CATSPERB: variants seen among roughly 807,000 people sequenced by gnomAD.
CATSPERB encodes cation channel sperm-associated auxiliary subunit beta.
CATSPERB carries 93 observed loss-of-function variants against 128.3 expected under a neutral mutation model. The observed-to-expected ratio is 0.72, with a 90% CI of 0.61 to 0.86. The LOEUF (loss-of-function observed/expected upper bound fraction) is 0.86, where lower values mean the gene tolerates loss of function less well. CATSPERB is among the 40% of genes least tolerant of loss of function. The pLI, the probability that CATSPERB is intolerant of heterozygous loss-of-function variation, is 0.00. For missense variants in CATSPERB, 1,153 were observed against 1,329.5 expected, an observed-to-expected ratio of 0.87 and a Z score of 2.06; for synonymous variants, 381 against 448.8, an observed-to-expected ratio of 0.85 and a Z score of 1.91.
intron 14 of CATSPERB, among the ~76,000 whole-genome samples, chr14:91,661,144 C>T (rs1241825355): frequency 1.3e-5 from 2 of 152,148 alleles, no homozygotes; most frequent in African/African-American, 2.4e-5. Context: ...GCCCTGCAAA[C>T]ATTACTGGTG....
At chr14:91,663,851 G>A (rs2756163) in intron 14 of CATSPERB, among the ~76,000 whole-genome samples, 117,809 of 151,894 alleles carry the variant, frequency 0.78, 45,901 homozygotes, top group East Asian at 0.92. Flanking sequence ...GTAGTGTTAC[G>A]TATATTTACA....
At chr14:91,597,050 C>G (rs1484449237) in intron 22 of CATSPERB, among the ~76,000 whole-genome samples, 1 of 147,994 alleles carries the variant, frequency 6.8e-6, no homozygotes, top group African/African-American at 2.5e-5. Context: ...CCACGCCCAG[C>G]TAATTTTTTT....
chr14:91,707,338 A>G (rs374242193), intron 6 of CATSPERB, among the ~76,000 whole-genome samples: 1 of 152,210 alleles, frequency 6.6e-6, no homozygotes, highest in South Asian at 2.1e-4. Flanking sequence ...TCTTTTAAAA[A>G]TTGATATAAC....
rs1448364570 is a variant in CATSPERB at position 91,639,086 on chromosome 14, A to G, written c.1587+10T>C. On this transcript the variant is annotated intron_variant, in intron 16 of 26. Transcript: ENST00000256343. ...ATAAGGCAAACTGTTTCAATGCATT[A>G]TATACTGACCTGTCCAAAAAGATTT... is the stretch of plus-strand genomic sequence containing the variant. The G allele has an allele frequency of 6.2e-7, 1 of 1,611,566 alleles. No individual in the cohort carries two copies. The highest frequency in any genetic ancestry group is 1.1e-5 in the South Asian group (1 of 90,570).
chr14:91,638,207 T>C (rs1325269850), intron 16 of CATSPERB, among the ~76,000 whole-genome samples: 1 of 152,198 alleles, frequency 6.6e-6, no homozygotes, highest in African/African-American at 2.4e-5. Flanking sequence ...TTTGAGAGTG[T>C]CCAGTTTTGT....
intron 5 of CATSPERB, among the ~76,000 whole-genome samples, chr14:91,712,765 C>T (rs1895862115): frequency 6.6e-6 from 1 of 152,192 alleles, no homozygotes; most frequent in African/African-American, 2.4e-5. Flanking sequence ...AGATTGAACG[C>T]CATTTCTTCA....
chr14:91,657,860 C>G (rs12878513), intron 15 of CATSPERB, among the ~76,000 whole-genome samples: 88,309 of 151,920 alleles, frequency 0.58, 26,353 homozygotes, highest in East Asian at 0.77. Flanking sequence ...ATCGAAAAGA[C>G]AGGCAATAAT....
intron 17 of CATSPERB, among the ~76,000 whole-genome samples, chr14:91,626,474 T>C (rs1894164496): frequency 6.7e-6 from 1 of 149,120 alleles, no homozygotes; most frequent in South Asian, 2.1e-4. Flanking sequence ...TAAGGGGTGA[T>C]TAGATCATGA....
chr14:91,685,807 G>A (rs991109981), intron 10 of CATSPERB, among the ~76,000 whole-genome samples: 8 of 152,188 alleles, frequency 5.3e-5, no homozygotes, highest in Non-Finnish European at 8.8e-5. Flanking sequence ...GTTTAGCATG[G>A]CCAGGCAGGA....
chr14:91,613,772 C>T (rs934455658), intron 20 of CATSPERB, among the ~76,000 whole-genome samples: 1 of 152,142 alleles, frequency 6.6e-6, no homozygotes. Flanking sequence ...GCACCGCACT[C>T]CTCCAAAATC....
At chr14:91,597,547 A>T (rs1228246856) in intron 22 of CATSPERB, among the ~76,000 whole-genome samples, 1 of 152,206 alleles carries the variant, frequency 6.6e-6, no homozygotes, top group East Asian at 1.9e-4. Context: ...TGACATAGGG[A>T]TCCATATACT....
intron 24 of CATSPERB, among the ~76,000 whole-genome samples, chr14:91,588,940 C>T (rs1893350751): frequency 6.6e-6 from 1 of 152,194 alleles, no homozygotes; most frequent in Non-Finnish European, 1.5e-5. Flanking sequence ...ATATTAATGG[C>T]TGACCAAAAT....
At chr14:91,674,021 T>A (rs1005819562) in intron 12 of CATSPERB, among the ~76,000 whole-genome samples, 155 bp downstream of exon 12, 1 of 152,176 alleles carries the variant, frequency 6.6e-6, no homozygotes, top group Non-Finnish European at 1.5e-5. Flanking sequence ...ATTAGGTAAG[T>A]ACTAATAAAC....
chr14:91,666,740 C>T (rs1452349200), intron 14 of CATSPERB, among the ~76,000 whole-genome samples: 1 of 152,180 alleles, frequency 6.6e-6, no homozygotes, highest in Non-Finnish European at 1.5e-5. Context: ...AAGTTTATGG[C>T]TATCAGACAA....
At chr14:91,656,849 G>C (rs1383296704) in intron 15 of CATSPERB, among the ~76,000 whole-genome samples, 2 of 151,960 alleles carry the variant, frequency 1.3e-5, no homozygotes, top group Non-Finnish European at 2.9e-5. Flanking sequence ...CCAAAAGAGA[G>C]CAGAAGTCAC....
chr14:91,692,193 AAAAG>A lies in CATSPERB; in HGVS notation c.832-642_832-639del, dbSNP rs1190327131. Among the ~76,000 whole-genome samples, 16 of 151,472 alleles carry A rather than the reference AAAAG, an allele frequency of 1.1e-4. No individual in the cohort carries two copies. The East Asian group carries it at 1.4e-3, about 13-fold the overall frequency. Reference sequence around the variant, plus strand: ...TCAGTCTCAAAAAAAAAAAAAAAAAAAAAGAAGAAGTGTGCTGGCATATGCAAGT... The same window carrying A: ...TCAGTCTCAAAAAAAAAAAAAAAAAAAAGAAGTGTGCTGGCATATGCAAGT... On this transcript the variant is annotated intron_variant, in intron 9 of 26. Transcript: ENST00000256343.
chr14:91,648,780 T>C (rs12100460), intron 15 of CATSPERB, among the ~76,000 whole-genome samples: 44,302 of 151,972 alleles, frequency 0.29, 6,586 homozygotes, highest in Middle Eastern at 0.34. Flanking sequence ...TTCTCTCCAC[T>C]TTAGCTTTAA....
At chr14:91,581,324 T>C (rs1893204335) in intron 26 of CATSPERB, among the ~76,000 whole-genome samples, 1 of 152,254 alleles carries the variant, frequency 6.6e-6, no homozygotes, top group Non-Finnish European at 1.5e-5. Flanking sequence ...TATTATCCTA[T>C]GCCTTTACCC....
At chr14:91,628,299 T>C (rs1894206988) in intron 17 of CATSPERB, among the ~76,000 whole-genome samples, 1 of 152,172 alleles carries the variant, frequency 6.6e-6, no homozygotes, top group African/African-American at 2.4e-5. Context: ...TCTCCTACAA[T>C]ACAAAAATCT....
Sources: gnomAD v4.1 joint callset for allele counts (sites outside exome capture counted in the v4.1 genomes callset) on GRCh38, gnomAD v4.1.1 for gene constraint, MANE v1.5 for transcripts, NCBI Gene and HGNC (gene_info 2026-07-23, HGNC 2026-07-21) for gene names.